Variants in ROBO1 observed in about 807,000 individuals in gnomAD.
ROBO1 encodes roundabout guidance receptor 1.
ROBO1 carries 149 observed loss-of-function variants against 195.9 expected under a neutral mutation model. The ratio of observed to expected loss-of-function variants is 0.76; its 90% CI spans 0.67 to 0.87. ROBO1 has a LOEUF of 0.87. Among genes scored for constraint, ROBO1 ranks in the 40% least tolerant of loss-of-function variants. The pLI is 0.00. For missense variants in ROBO1, 1,933 were observed against 2,068.3 expected (o/e 0.93, Z 1.27); for synonymous variants, 816 against 733.2 (o/e 1.11, Z -1.82).
At chr3:79,332,504 C>T (rs1272786887) in intron 2 of ROBO1, among the ~76,000 whole-genome samples, 1 of 152,202 alleles carries the variant, frequency 6.6e-6, no homozygotes, top group Admixed American at 6.5e-5. Flanking sequence ...AGCTCTTCCA[C>T]TAGAATACAT....
intron 1 of ROBO1, among the ~76,000 whole-genome samples, chr3:79,686,238 T>A (rs1223186994): frequency 6.6e-6 from 1 of 152,184 alleles, no homozygotes; most frequent in Non-Finnish European, 1.5e-5. Flanking sequence ...ATAAGAGCTA[T>A]CTATGACAAA....
At chr3:78,784,622 A>T (rs1380801355) in intron 4 of ROBO1, among the ~76,000 whole-genome samples, 1 of 152,180 alleles carries the variant, frequency 6.6e-6, no homozygotes, top group Non-Finnish European at 1.5e-5. Context: ...CACGTTCTTT[A>T]AGGAATGTTA....
chr3:78,879,970 G>A (rs950168113), intron 4 of ROBO1, among the ~76,000 whole-genome samples: 4 of 152,098 alleles, frequency 2.6e-5, no homozygotes, highest in African/African-American at 7.2e-5. Context: ...GAAAATAAAT[G>A]AAAGACAATC....
At chr3:79,057,870 T>C (rs1297899929) in intron 3 of ROBO1, among the ~76,000 whole-genome samples, 1 of 152,064 alleles carries the variant, frequency 6.6e-6, no homozygotes, top group Admixed American at 6.6e-5. Flanking sequence ...CAGATGACTG[T>C]TGCCCTGCTA....
chr3:79,617,567 T>A (rs1002115911), intron 1 of ROBO1, among the ~76,000 whole-genome samples: 1 of 151,856 alleles, frequency 6.6e-6, no homozygotes, highest in Non-Finnish European at 1.5e-5. Flanking sequence ...AAGAAAAGTA[T>A]GAAGAAGTGA....
chr3:79,518,539 A>C (rs1301407851), intron 2 of ROBO1, among the ~76,000 whole-genome samples: 1 of 152,214 alleles, frequency 6.6e-6, no homozygotes, highest in Non-Finnish European at 1.5e-5. Context: ...TCCGTGAAAC[A>C]ACAGTAAGTT....
intron 1 of ROBO1, among the ~76,000 whole-genome samples, chr3:79,735,593 G>A (rs541535237): frequency 4.6e-5 from 7 of 152,232 alleles, no homozygotes; most frequent in East Asian, 1.9e-4. Context: ...GACACTGGCC[G>A]GGCGCGGTGG....
intron 2 of ROBO1, among the ~76,000 whole-genome samples, chr3:79,482,766 C>A (rs1301552583): frequency 2.0e-5 from 3 of 152,078 alleles, no homozygotes; most frequent in Admixed American, 1.3e-4. Context: ...ACCGTGATAA[C>A]CATAGAGGGA....
chr3:78,812,561 G>GA (rs1456426965), intron 4 of ROBO1, among the ~76,000 whole-genome samples: 4 of 152,008 alleles, frequency 2.6e-5, no homozygotes, highest in Non-Finnish European at 5.9e-5. Flanking sequence ...CTGGTACTTG[G>GA]AATTCCTTAT....
At chr3:79,232,179 T>C (rs1369156090) in intron 2 of ROBO1, among the ~76,000 whole-genome samples, 1 of 150,506 alleles carries the variant, frequency 6.6e-6, no homozygotes, top group East Asian at 1.9e-4. Context: ...GTAACAAACC[T>C]ACAAATGTAC....
chr3:79,540,355 C>T (rs544635049), intron 2 of ROBO1, among the ~76,000 whole-genome samples: 1 of 152,196 alleles, frequency 6.6e-6, no homozygotes, highest in East Asian at 1.9e-4. Context: ...ATCCCCTGTA[C>T]ACATTAAGTG....
At chr3:79,350,140 A>G (rs1427183369) in intron 2 of ROBO1, among the ~76,000 whole-genome samples, 2 of 152,210 alleles carry the variant, frequency 1.3e-5, no homozygotes, top group Admixed American at 6.5e-5. Flanking sequence ...CTGAATGGAT[A>G]TTTCTCCAGA....
chr3:78,779,413 A>T (rs179690), intron 4 of ROBO1, among the ~76,000 whole-genome samples: 8,263 of 152,294 alleles, frequency 0.054, 299 homozygotes, highest in Middle Eastern at 0.11. Context: ...CTTACAAGAA[A>T]AAAGCAAACA....
chr3:78,884,078 T>G (rs1014015075), intron 4 of ROBO1, among the ~76,000 whole-genome samples: 11 of 152,130 alleles, frequency 7.2e-5, no homozygotes, highest in African/African-American at 2.7e-4. Context: ...CATAAGGGAC[T>G]TTTCCTGTGT....
rs568956507 is a variant in ROBO1 at position 78,636,916 on chromosome 3, C to T, written c.3038-808G>A. Among the ~76,000 whole-genome samples the T allele has an allele frequency of 5.4e-3, 637 of 118,714 alleles. 7 individuals are homozygous for T. Among genetic ancestry groups the T allele is most frequent in the African/African-American group, 0.018 (602 of 33,178 alleles). The allele number at this position is 118,714 out of a possible 152,430, so 77.9% of individuals were successfully genotyped here. On this transcript the variant is annotated intron_variant, in intron 22 of 30. Transcript: ENST00000464233. ...GACATTAAATAACTGAATATACATA[C>T]ATAATATATACATTCATTTTATATA...
chr3:79,172,003 A>G (rs2081177362), intron 2 of ROBO1, among the ~76,000 whole-genome samples: 2 of 152,120 alleles, frequency 1.3e-5, no homozygotes, highest in African/African-American at 4.8e-5. Context: ...ACAATATATA[A>G]ATTTAAAGTA....
chr3:79,748,732 T>C (rs568501614), intron 1 of ROBO1, among the ~76,000 whole-genome samples: 3 of 152,144 alleles, frequency 2.0e-5, no homozygotes, highest in Non-Finnish European at 2.9e-5. Flanking sequence ...CTCGGATGGC[T>C]TTAAAAACAG....
chr3:78,598,550 G>T lies in ROBO1; in HGVS notation c.*363C>A. Reference sequence around the variant, plus strand: ...TTGATCAATATCTTGCTATAAATTAGCTTGGCATATAAGCAGTGCAATGCC... The same window carrying T: ...TTGATCAATATCTTGCTATAAATTATCTTGGCATATAAGCAGTGCAATGCC... On this transcript the variant is annotated 3_prime_UTR_variant, in exon 31 of 31. Transcript: ENST00000464233. 5.5e-6 allele frequency: 1 copy of T among 180,476 alleles called. No individual in the cohort carries two copies. Among genetic ancestry groups the T allele is most frequent in the East Asian group, 1.4e-4 (1 of 7,286 alleles). 11.2% of individuals were successfully genotyped at this position (180,476 alleles called of 1,614,324 possible).
At chr3:79,680,922 G>A (rs1045690103) in intron 1 of ROBO1, among the ~76,000 whole-genome samples, 1 of 151,974 alleles carries the variant, frequency 6.6e-6, no homozygotes, top group African/African-American at 2.4e-5. Context: ...CAGAGAGTGA[G>A]ATGCTGGAAG....
Sources: allele counts gnomAD v4.1 joint callset (sites outside exome capture counted in the v4.1 genomes callset), GRCh38; gene constraint gnomAD v4.1.1; transcripts MANE v1.5; gene names NCBI Gene and HGNC (gene_info 2026-07-23, HGNC 2026-07-21).